The following FBXL17 variants were observed in gnomAD, a reference collection of about 807,000 sequenced individuals.
FBXL17 encodes F-box and leucine rich repeat protein 17.
A neutral mutation model predicts 66.2 loss-of-function variants in FBXL17; 22 were observed. That is an observed-to-expected ratio of 0.33 (90% CI 0.24 to 0.47). The LOEUF (loss-of-function observed/expected upper bound fraction) is 0.47, where lower values mean the gene tolerates loss of function less well. Among genes scored for constraint, FBXL17 ranks in the 20% least tolerant of loss-of-function variants. The pLI is 1.00. For synonymous variants in FBXL17, 474 were observed against 400.5 expected (o/e 1.18, Z -2.19); for missense variants, 878 against 948.2 (o/e 0.93, Z 0.97).
intron 7 of FBXL17, among the ~76,000 whole-genome samples, chr5:107,911,765 G>T (rs928521055): frequency 6.6e-6 from 1 of 151,990 alleles, no homozygotes; most frequent in African/African-American, 2.4e-5. Context: ...AAATTTATGT[G>T]GCAGAATAAG....
Position 108,322,831 on chromosome 5 carries a change from G to C in FBXL17, c.1506+25568C>G, listed in dbSNP as rs540499319. 2.1e-4 allele frequency among the ~76,000 whole-genome samples: 32 copies of C among 151,926 alleles called. 1 individual carries two copies. Among genetic ancestry groups the C allele is most frequent in the Admixed American group, 1.8e-3 (28 of 15,192 alleles). ...TACAGTCACTGAAAATGTTATTTGA[G>C]AACTTACTGTATGCAAGACTCCTGG... On this transcript the variant is annotated intron_variant, in intron 4 of 8. Coordinates refer to ENST00000542267, the MANE Select transcript of FBXL17 (RefSeq NM_001163315.3).
intron 7 of FBXL17, among the ~76,000 whole-genome samples, chr5:107,891,273 G>A (rs1749188332): frequency 6.6e-6 from 1 of 152,250 alleles, no homozygotes; most frequent in East Asian, 1.9e-4. Context: ...GAGAAACAGG[G>A]AGTTAATGGA....
chr5:108,006,185 C>A (rs938191289), intron 7 of FBXL17, among the ~76,000 whole-genome samples: 2 of 152,244 alleles, frequency 1.3e-5, no homozygotes, highest in Admixed American at 1.3e-4. Context: ...AGGATAAACA[C>A]CATATTGCTA....
chr5:108,273,737 G>A (rs994451425), intron 4 of FBXL17, among the ~76,000 whole-genome samples: 8 of 152,136 alleles, frequency 5.3e-5, no homozygotes, highest in African/African-American at 1.9e-4. Context: ...GATATATGCA[G>A]AAAGGACATT....
At chr5:108,075,729 G>A (rs946724384) in intron 6 of FBXL17, among the ~76,000 whole-genome samples, 6 of 152,074 alleles carry the variant, frequency 3.9e-5, no homozygotes, top group Admixed American at 2.0e-4. Flanking sequence ...TGCCCGCCTC[G>A]GCCTCCCAAA....
chr5:108,219,043 T>C (rs1025039477), intron 5 of FBXL17, among the ~76,000 whole-genome samples: 6 of 152,222 alleles, frequency 3.9e-5, no homozygotes, highest in African/African-American at 1.4e-4. Flanking sequence ...TTAGACATGA[T>C]TTTCCAAACT....
rs190519204 is a variant in FBXL17, at chr5:107,902,967, T to C, written c.1823-21788A>G. On this transcript the variant is annotated intron_variant, in intron 7 of 8. Transcript: ENST00000542267. ...CTGACTGAATAAAAAGTGAAGAGAA[T>C]AGAAATTTTGTGTTTTGTCTCAGTT... Among the ~76,000 whole-genome samples the C allele has an allele frequency of 2.0e-4, 30 of 152,284 alleles. No individual in the cohort carries two copies. In the East Asian group the frequency reaches 5.2e-3, roughly 26 times the overall value.
At chr5:108,224,818 G>C (rs556808246) in intron 4 of FBXL17, among the ~76,000 whole-genome samples, 43 of 152,018 alleles carry the variant, frequency 2.8e-4, no homozygotes, top group African/African-American at 1.0e-3. Flanking sequence ...AGTGGAGACG[G>C]GGTTTCACCA....
chr5:108,097,843 T>C (rs943296347), intron 6 of FBXL17, among the ~76,000 whole-genome samples: 2 of 152,132 alleles, frequency 1.3e-5, no homozygotes, highest in Non-Finnish European at 2.9e-5. Context: ...AGTGTCTCTC[T>C]TTCCATAACA....
intron 7 of FBXL17, among the ~76,000 whole-genome samples, chr5:108,001,328 T>C (rs1424771154): frequency 6.6e-6 from 1 of 152,182 alleles, no homozygotes; most frequent in Non-Finnish European, 1.5e-5. Context: ...GTCAAAACCA[T>C]GTCTGCAAAA....
At chr5:108,206,988 G>C (rs571045575) in intron 5 of FBXL17, among the ~76,000 whole-genome samples, 1 of 152,126 alleles carries the variant, frequency 6.6e-6, no homozygotes, top group Non-Finnish European at 1.5e-5. Context: ...TTCTCACAAT[G>C]TGTAAAATTG....
chr5:108,129,264 T>C (rs1365942488), intron 6 of FBXL17, among the ~76,000 whole-genome samples: 1 of 152,108 alleles, frequency 6.6e-6, no homozygotes, highest in African/African-American at 2.4e-5. Context: ...TGTTCTATAG[T>C]TGTATAGGCT....
chr5:108,020,784 T>C (rs1754567026), intron 7 of FBXL17, 141 bp downstream of exon 7: 1 of 575,988 alleles, frequency 1.7e-6, no homozygotes, highest in Admixed American at 3.1e-5. Context: ...TTTTTATTTT[T>C]ATTTTTTGGT....
chr5:107,942,117 G>A (rs967993770), intron 7 of FBXL17, among the ~76,000 whole-genome samples: 18 of 152,098 alleles, frequency 1.2e-4, no homozygotes, highest in African/African-American at 2.2e-4. Context: ...GGCTGAGGGC[G>A]TACACAGCTG....
At chr5:108,338,928 G>T (rs952843723) in intron 4 of FBXL17, among the ~76,000 whole-genome samples, 1 of 152,138 alleles carries the variant, frequency 6.6e-6, no homozygotes, top group African/African-American at 2.4e-5. Context: ...CAGCACACAG[G>T]TTTAGATAGG....
intron 7 of FBXL17, among the ~76,000 whole-genome samples, chr5:107,983,310 G>A (rs1361835590): frequency 1.3e-5 from 2 of 151,976 alleles, no homozygotes; most frequent in Non-Finnish European, 2.9e-5. Context: ...TCCTGCCTTG[G>A]CGTCCTGAGT....
intron 6 of FBXL17, among the ~76,000 whole-genome samples, chr5:108,140,774 GA>G (rs773805006): frequency 6.6e-6 from 1 of 151,494 alleles, no homozygotes; most frequent in Admixed American, 6.6e-5. Flanking sequence ...AATTCGAGAT[GA>G]TTGCTTATTC....
chr5:107,884,414 T>C (rs1209019305), intron 7 of FBXL17, among the ~76,000 whole-genome samples: 1 of 152,172 alleles, frequency 6.6e-6, no homozygotes, highest in Non-Finnish European at 1.5e-5. Context: ...TTGAGGTTAT[T>C]TGGCTCCAAG....
chr5:108,165,873 T>A (rs1005440951), intron 6 of FBXL17, among the ~76,000 whole-genome samples: 1 of 152,176 alleles, frequency 6.6e-6, no homozygotes, highest in African/African-American at 2.4e-5. Context: ...GTACAAGATA[T>A]GAAATACCAA....
Sources: allele counts gnomAD v4.1 joint callset (sites outside exome capture counted in the v4.1 genomes callset), GRCh38; gene constraint gnomAD v4.1.1; transcripts MANE v1.5; gene names NCBI Gene and HGNC (gene_info 2026-07-23, HGNC 2026-07-21).